Variants in CENPI observed in about 807,000 individuals in gnomAD.
CENPI encodes FSH primary response 1.
CENPI carries 4 observed loss-of-function variants against 60.4 expected under a neutral mutation model. That is an observed-to-expected ratio of 0.07 (90% CI 0.03 to 0.15). The LOEUF (loss-of-function observed/expected upper bound fraction) is 0.15, where lower values mean the gene tolerates loss of function less well. Ranked by LOEUF, CENPI falls within the 10% of genes least tolerant of loss-of-function variation. CENPI has a pLI of 1.00. For synonymous variants in CENPI, 157 were observed against 189.4 expected (o/e 0.83, Z 1.40); for missense variants, 444 against 534.5 (o/e 0.83, Z 1.67).
intron 15 of CENPI, among the ~76,000 whole-genome samples, chrX:101,136,149 A>G (rs899139651): frequency 8.9e-6 from 1 of 112,676 alleles, no homozygotes; most frequent in African/African-American, 3.2e-5. Flanking sequence ...AGCTTAGTAT[A>G]GGACACTGCT....
the CENPI span, among the ~76,000 whole-genome samples, chrX:101,174,383 C>T: frequency 6.2e-5 from 7 of 112,076 alleles, no homozygotes; most frequent in African/African-American, 2.3e-4. Flanking sequence ...TTCATTGCAG[C>T]ACTATTCACA....
chrX:101,116,463 A>G (rs968251265), intron 6 of CENPI, among the ~76,000 whole-genome samples: 3 of 111,659 alleles, frequency 2.7e-5, no homozygotes, highest in Non-Finnish European at 5.6e-5. Flanking sequence ...ACAATTTTAT[A>G]TAAGGAACCT....
chrX:101,150,110 A>C (rs187195183), intron 20 of CENPI, among the ~76,000 whole-genome samples: 1 of 108,805 alleles, frequency 9.2e-6, no homozygotes, highest in African/African-American at 3.3e-5. Context: ...TGATTTTCTG[A>C]TATTTCTTGT....
chrX:101,120,203 C>T (rs927159492), intron 6 of CENPI, among the ~76,000 whole-genome samples, 199 bp from the exon 7 acceptor site: 1 of 111,370 alleles, frequency 9.0e-6, no homozygotes, highest in African/African-American at 3.3e-5. Flanking sequence ...AAAAAATGAC[C>T]TAATGAAATG....
chrX:101,122,423 T>C (rs181326243), intron 8 of CENPI, among the ~76,000 whole-genome samples: 1 of 112,159 alleles, frequency 8.9e-6, no homozygotes, highest in East Asian at 2.8e-4. Flanking sequence ...TTTAGTTCCA[T>C]GGGTACGATT....
At chrX:101,123,045 T>G (rs1382082282) in intron 8 of CENPI, among the ~76,000 whole-genome samples, 1 of 112,434 alleles carries the variant, frequency 8.9e-6, no homozygotes, top group Non-Finnish European at 1.9e-5. Context: ...ATCACTAAAT[T>G]ATTCCATTGT....
chrX:101,128,798 T>A lies in CENPI; in HGVS notation c.1157T>A (p.Leu386Gln). 8.3e-7 allele frequency: 1 copy of A among 1,209,714 alleles called. No homozygotes were observed. The highest frequency in any genetic ancestry group is 1.1e-6 in the Non-Finnish European group (1 of 893,648). Residue 386 changes from leucine (L) to glutamine (Q), a missense_variant, in exon 12 of 22, where the codon CTG becomes CAG. Physicochemically the swap from Leu to Gln is moderately radical, Grantham distance 113 (BLOSUM62 -2). Transcript: ENST00000682095. Reference sequence around the variant, plus strand: ...TGTGTCAGAGATGAGCCAGTCTTGCTGAGGTTTTATTACTGGTTGAGTCAA... The same window carrying A: ...TGTGTCAGAGATGAGCCAGTCTTGCAGAGGTTTTATTACTGGTTGAGTCAA... ...INCVRDEPVLLRFYYWLSQTL... is the reference protein window; with the variant it reads ...INCVRDEPVLQRFYYWLSQTL...
At chrX:101,120,516 G>T in intron 7 of CENPI, 66 bp downstream of exon 7, 1 of 657,083 alleles carries the variant, frequency 1.5e-6, no homozygotes, top group Non-Finnish European at 2.4e-6. Context: ...CCTTTATAAA[G>T]TTAAAATAAC....
the CENPI span, among the ~76,000 whole-genome samples, chrX:101,179,365 T>A: frequency 8.9e-6 from 1 of 112,921 alleles, no homozygotes; most frequent in East Asian, 2.7e-4. Flanking sequence ...TTCCTTTTTA[T>A]GGCTGAATAA....
the CENPI span, among the ~76,000 whole-genome samples, chrX:101,178,706 C>T: frequency 1.8e-5 from 2 of 111,721 alleles, no homozygotes; most frequent in South Asian, 3.7e-4. Flanking sequence ...CCACCACACC[C>T]GGCCGGATCT....
Position 101,126,697 on chromosome X carries a change from A to G in CENPI, c.688-12A>G, listed in dbSNP as rs1454376511. On this transcript the variant is annotated splice_polypyrimidine_tract_variant and intron_variant, in intron 8 of 21. Coordinates refer to ENST00000682095, the MANE Select transcript of CENPI (RefSeq NM_001386188.2). ...CCACAGAATTGAAAATGGAAAACTT[A>G]TTTTATTTCAGGGAATGCAGCCTCA... The G allele has an allele frequency of 8.4e-7, 1 of 1,185,395 alleles. No individual in the cohort carries two copies. The highest frequency in any genetic ancestry group is 1.7e-5 in the African/African-American group (1 of 57,276).
chrX:101,138,775 GC>G (rs756054499), intron 15 of CENPI, among the ~76,000 whole-genome samples: 3 of 108,686 alleles, frequency 2.8e-5, no homozygotes, highest in East Asian at 5.8e-4. Flanking sequence ...ACAGGCACGT[GC>G]CACCATGCTT....
At chrX:101,169,753 A>G (rs1354900097), downstream of CENPI, among the ~76,000 whole-genome samples, 1 of 111,690 alleles carries the variant, frequency 9.0e-6, no homozygotes, top group Non-Finnish European at 1.9e-5. Context: ...AAGACCTTCC[A>G]GTAGAAAGAG....
intron 15 of CENPI, among the ~76,000 whole-genome samples, chrX:101,133,542 G>A (rs1396307674): frequency 9.2e-6 from 1 of 108,836 alleles, no homozygotes; most frequent in Non-Finnish European, 1.9e-5. Context: ...GAATGAGAGG[G>A]GTGGGGAGAG....
At chrX:101,143,838 T>G (rs1376749632) in intron 16 of CENPI, among the ~76,000 whole-genome samples, 1 of 112,042 alleles carries the variant, frequency 8.9e-6, no homozygotes. Flanking sequence ...CAAATTCAAG[T>G]GAAAATATGT....
At chrX:101,172,269 G>A in the CENPI span, among the ~76,000 whole-genome samples, 1 of 111,753 alleles carries the variant, frequency 8.9e-6, no homozygotes, top group Non-Finnish European at 1.9e-5. Context: ...TTCAAACATA[G>A]AGTAGTCATA....
At chrX:101,178,398 CTTTTTTTTTTTTTTTT>C in the CENPI span, among the ~76,000 whole-genome samples, 11 of 39,977 alleles carry the variant, frequency 2.8e-4, no homozygotes, top group Non-Finnish European at 4.3e-4. Flanking sequence ...TTTTCTTCTT[CTTTTTTTTTTTTTTTT>C]TTTTTTTTTT....
intron 20 of CENPI, among the ~76,000 whole-genome samples, chrX:101,160,376 T>C (rs1484985286): frequency 1.9e-5 from 1 of 53,262 alleles, no homozygotes; most frequent in African/African-American, 8.0e-5. Context: ...CTTTTAGTTC[T>C]TTTTTTTTTT....
chrX:101,158,467 G>A (rs1443575102), intron 20 of CENPI, among the ~76,000 whole-genome samples: 1 of 108,714 alleles, frequency 9.2e-6, no homozygotes, highest in Non-Finnish European at 1.9e-5. Flanking sequence ...TAGTAGAGAC[G>A]GAGTTTCACC....
Sources: allele counts gnomAD v4.1 joint callset (sites outside exome capture counted in the v4.1 genomes callset), GRCh38; gene constraint gnomAD v4.1.1; transcripts MANE v1.5; gene names NCBI Gene and HGNC (gene_info 2026-07-23, HGNC 2026-07-21).